Variants in BRINP3 observed in about 807,000 individuals in gnomAD.
BRINP3 encodes BMP/retinoic acid inducible neural specific 3.
A neutral mutation model predicts 71.0 loss-of-function variants in BRINP3; 19 were observed. The observed-to-expected ratio is 0.27, with a 90% CI of 0.19 to 0.39. The LOEUF is 0.39. Ranked by LOEUF, BRINP3 falls within the 10% of genes least tolerant of loss-of-function variation. The pLI, the probability that BRINP3 is intolerant of heterozygous loss-of-function variation, is 1.00. For missense variants in BRINP3, 959 were observed against 940.8 expected, an observed-to-expected ratio of 1.02 and a Z score of -0.25; for synonymous variants, 380 against 337.7, an observed-to-expected ratio of 1.13 and a Z score of -1.37.
At chr1:190,184,961 C>T (rs780208193) in intron 6 of BRINP3, among the ~76,000 whole-genome samples, 2 of 151,946 alleles carry the variant, frequency 1.3e-5, no homozygotes. Context: ...AACATAAACT[C>T]AAAGTGGATT....
intron 3 of BRINP3, 86 bp downstream of exon 3, chr1:190,281,474 T>C: frequency 8.2e-7 from 1 of 1,224,080 alleles, no homozygotes. Flanking sequence ...ATACTGTAGC[T>C]ATCTTGATTA....
intron 7 of BRINP3, among the ~76,000 whole-genome samples, chr1:190,146,802 T>C (rs1251746877): frequency 2.6e-5 from 4 of 152,064 alleles, no homozygotes; most frequent in Non-Finnish European, 5.9e-5. Flanking sequence ...ATTTGCTTAC[T>C]TGTTTTCCCA....
chr1:190,244,387 C>G (rs975006998), intron 4 of BRINP3, among the ~76,000 whole-genome samples: 1 of 152,084 alleles, frequency 6.6e-6, no homozygotes, highest in Non-Finnish European at 1.5e-5. Context: ...ACCCAATCTG[C>G]TCGATTGATA....
At chr1:190,134,183 T>C (rs1444899852) in intron 7 of BRINP3, among the ~76,000 whole-genome samples, 2 of 151,730 alleles carry the variant, frequency 1.3e-5, no homozygotes, top group East Asian at 1.9e-4. Flanking sequence ...GGTTAGGGAG[T>C]CTTGGGAAAG....
chr1:190,461,425 G>A (rs1176485937), intron 1 of BRINP3, among the ~76,000 whole-genome samples: 1 of 152,070 alleles, frequency 6.6e-6, no homozygotes, highest in East Asian at 1.9e-4. Context: ...AAGTTGGTTG[G>A]TCATTTTTTT....
intron 2 of BRINP3, among the ~76,000 whole-genome samples, chr1:190,392,776 G>A (rs532898620): frequency 6.6e-6 from 1 of 151,290 alleles, no homozygotes; most frequent in South Asian, 2.1e-4. Flanking sequence ...ACACTGTAAG[G>A]GGAAAAAAAT....
At chr1:190,155,567 G>A (rs950450534) in intron 7 of BRINP3, among the ~76,000 whole-genome samples, 9 of 151,988 alleles carry the variant, frequency 5.9e-5, no homozygotes, top group East Asian at 1.9e-4. Flanking sequence ...GCTCAGTTAC[G>A]TTTTAGGAAT....
intron 2 of BRINP3, among the ~76,000 whole-genome samples, chr1:190,352,923 G>A (rs1473209153): frequency 6.6e-6 from 1 of 151,290 alleles, no homozygotes; most frequent in Non-Finnish European, 1.5e-5. Context: ...AGCTATGAAA[G>A]TTAGAATTGT....
At chr1:190,345,996 A>C (rs1667999992) in intron 2 of BRINP3, among the ~76,000 whole-genome samples, 1 of 151,926 alleles carries the variant, frequency 6.6e-6, no homozygotes, top group Non-Finnish European at 1.5e-5. Flanking sequence ...AACCTGCATA[A>C]GTGAAAGATT....
chr1:190,414,292 T>A (rs1468075126), intron 2 of BRINP3, among the ~76,000 whole-genome samples: 2 of 152,188 alleles, frequency 1.3e-5, no homozygotes, highest in African/African-American at 2.4e-5. Context: ...CAGTTTTTTT[T>A]AAATTTTCAT....
At chr1:190,393,635 T>C (rs1354374676) in intron 2 of BRINP3, among the ~76,000 whole-genome samples, 1 of 151,674 alleles carries the variant, frequency 6.6e-6, no homozygotes, top group African/African-American at 2.4e-5. Flanking sequence ...TCATTTTTAA[T>C]TGGCTAGTAA....
chr1:190,375,086 A>G (rs1202895437), intron 2 of BRINP3, among the ~76,000 whole-genome samples: 1 of 152,052 alleles, frequency 6.6e-6, no homozygotes, highest in Non-Finnish European at 1.5e-5. Flanking sequence ...TTTCAAATAA[A>G]TCAGGTATAA....
intron 7 of BRINP3, among the ~76,000 whole-genome samples, chr1:190,107,417 C>T (rs1652267669): frequency 6.6e-6 from 1 of 151,916 alleles, no homozygotes; most frequent in African/African-American, 2.4e-5. Context: ...CCTTTTTCCT[C>T]TGCTTAGCCA....
intron 4 of BRINP3, among the ~76,000 whole-genome samples, chr1:190,238,341 T>C (rs1658723101): frequency 6.6e-6 from 1 of 151,982 alleles, no homozygotes; most frequent in Admixed American, 6.6e-5. Context: ...ACATAATTAG[T>C]ATTAAAAATT....
chr1:190,165,969 A>G (rs1323325023), intron 6 of BRINP3, among the ~76,000 whole-genome samples: 2 of 152,120 alleles, frequency 1.3e-5, no homozygotes, highest in African/African-American at 4.8e-5. Context: ...GAACTGGTAG[A>G]TTTTTTACTT....
chr1:190,329,858 T>G (rs1052759211), intron 2 of BRINP3, among the ~76,000 whole-genome samples: 3 of 151,924 alleles, frequency 2.0e-5, no homozygotes, highest in Non-Finnish European at 2.9e-5. Context: ...CCATCTGATC[T>G]TCAATGAACT....
In BRINP3 at chr1:190,226,298, C is replaced by A. The variant is rs1269202027; in HGVS notation, c.745G>T (p.Asp249Tyr). ...QLQGLQVLLPDYLQERFVQAA... is the reference protein window; with the variant it reads ...QLQGLQVLLPYYLQERFVQAA... ...TGTACAAAACGTTCCTGAAGATAGT[C>A]TGGGAGAAGTACTTGAAGCCCTTGA... The change falls in exon 6 of 8, where the codon GAC (aspartate) becomes TAC (tyrosine). Residue 249 changes from aspartate (D) to tyrosine (Y), a missense_variant. Transcript: ENST00000367462. 1.3e-6 allele frequency: 2 copies of A among 1,599,368 alleles called. No individual in the cohort carries two copies. Among genetic ancestry groups the A allele is most frequent in the East Asian group, 4.5e-5 (2 of 44,136 alleles).
chr1:190,241,815 A>G (rs1453866519), intron 4 of BRINP3, among the ~76,000 whole-genome samples: 1 of 151,802 alleles, frequency 6.6e-6, no homozygotes. Flanking sequence ...TTAAAATTAC[A>G]TATTGCTAAA....
At chr1:190,424,889 G>A (rs1379871589) in intron 2 of BRINP3, among the ~76,000 whole-genome samples, 1 of 151,636 alleles carries the variant, frequency 6.6e-6, no homozygotes, top group Non-Finnish European at 1.5e-5. Flanking sequence ...AAAGAAGTAA[G>A]TATGATGACA....
Sources: allele counts gnomAD v4.1 joint callset (sites outside exome capture counted in the v4.1 genomes callset), GRCh38; gene constraint gnomAD v4.1.1; transcripts MANE v1.5; gene names NCBI Gene and HGNC (gene_info 2026-07-23, HGNC 2026-07-21).